CCDC187: variants seen among roughly 807,000 people sequenced by gnomAD.
The protein encoded by CCDC187 is coiled-coil domain-containing protein 187.
A neutral mutation model predicts 38.0 loss-of-function variants in CCDC187; 32 were observed. That is an observed-to-expected ratio of 0.84 (90% CI 0.64 to 1.13). The LOEUF (loss-of-function observed/expected upper bound fraction) is 1.13. Ranked by LOEUF, CCDC187 falls within the 50% of genes most tolerant of loss-of-function variation. CCDC187 has a pLI of 0.00. For missense variants in CCDC187, 707 were observed against 786.8 expected, an observed-to-expected ratio of 0.90 and a Z score of 1.21; for synonymous variants, 333 against 347.9, an observed-to-expected ratio of 0.96 and a Z score of 0.48.
chr9:136,269,641 T>C (rs1167300584), intron 14 of CCDC187, among the ~76,000 whole-genome samples: 1 of 151,676 alleles, frequency 6.6e-6, no homozygotes, highest in Non-Finnish European at 1.5e-5. Context: ...AGTGAGACTG[T>C]CTCAAAAGGA....
rs1017637244 is a variant in CCDC187, at chr9:136,287,433, C to T, written c.2223-738G>A. Among the ~76,000 whole-genome samples the T allele has an allele frequency of 7.9e-5, 12 of 152,288 alleles. No homozygotes were observed. The South Asian group carries it at 2.1e-3, about 26-fold the overall frequency. On this transcript the variant is annotated intron_variant, in intron 7 of 25. Coordinates refer to ENST00000638797, the MANE Select transcript of CCDC187 (RefSeq NM_001378188.1). ...AAGGAGCTGAAACGCACCAGATCAC[C>T]GCAACTGGACAATGAGACGCCAGAG... is the stretch of plus-strand genomic sequence containing the variant.
At chr9:136,280,114 C>T (rs1831010064) in intron 10 of CCDC187, among the ~76,000 whole-genome samples, 2 of 152,406 alleles carry the variant, frequency 1.3e-5, no homozygotes, top group Non-Finnish European at 1.5e-5. Flanking sequence ...CCACGGGGGC[C>T]TTCCTGGCTC....
chr9:136,293,229 TCA>T (rs1346290751), intron 4 of CCDC187, among the ~76,000 whole-genome samples: 23 of 91,490 alleles, frequency 2.5e-4, no homozygotes, highest in South Asian at 3.7e-4. Context: ...ACACTCACAC[TCA>T]CACGCTCACA....
chr9:136,259,262 T>C (rs1166620769), intron 21 of CCDC187, 101 bp downstream of exon 21: 1 of 266,388 alleles, frequency 3.8e-6, no homozygotes, highest in African/African-American at 3.2e-5. Flanking sequence ...GGGGGGAGGG[T>C]ACCAAGATGA....
At position 136,300,475 on chromosome 9, in the gene CCDC187, G is replaced by A. The variant is rs1043406582; in HGVS notation, c.626-157C>T. Among the ~76,000 whole-genome samples, 845 of 152,290 alleles carry A rather than the reference G, an allele frequency of 5.5e-3. 4 individuals are homozygous for A. The highest frequency in any genetic ancestry group is 0.019 in the African/African-American group (780 of 41,554). On this transcript the variant is annotated intron_variant, in intron 2 of 25. Coordinates refer to ENST00000638797, the MANE Select transcript of CCDC187 (RefSeq NM_001378188.1). Reference sequence around the variant, plus strand: ...GTCACCCAAGCTGGAGTGCAATGGCGCAATCTCAGCTCACTACAACCTCCG... The same window carrying A: ...GTCACCCAAGCTGGAGTGCAATGGCACAATCTCAGCTCACTACAACCTCCG...
chr9:136,258,553 G>A lies in CCDC187; in HGVS notation c.4366+379C>T, dbSNP rs576636015. Reference sequence around the variant, plus strand: ...GGACTTGGCTCTCGGGGGGGGCCCCGGCCAAGTGTAAGGTTCAGAAAGAGA... The same window carrying A: ...GGACTTGGCTCTCGGGGGGGGCCCCAGCCAAGTGTAAGGTTCAGAAAGAGA... On this transcript the variant is annotated intron_variant, in intron 22 of 25. Coordinates refer to ENST00000638797, the MANE Select transcript of CCDC187 (RefSeq NM_001378188.1). The surrounding 1 kb of genome is among the most constrained non-coding windows in gnomAD (Gnocchi z 4.3). 1.1e-3 allele frequency among the ~76,000 whole-genome samples: 166 copies of A among 151,702 alleles called. 1 individual carries two copies. The highest frequency in any genetic ancestry group is 3.7e-3 in the African/African-American group (153 of 41,500).
chr9:136,298,205 A>T (rs1831582478), intron 3 of CCDC187, among the ~76,000 whole-genome samples: 1 of 152,132 alleles, frequency 6.6e-6, no homozygotes, highest in South Asian at 2.1e-4. Flanking sequence ...ATGGGCACTC[A>T]GGACTGTTTG....
Position 136,254,355 on chromosome 9 carries a change from C to T in CCDC187, c.5473G>A (p.Val1825Ile). Residue 1825 changes from valine (V) to isoleucine (I), a missense_variant, in exon 26 of 26, where the codon GTC becomes ATC. By Grantham distance (29) the Val-to-Ile change is conservative (BLOSUM62 3). Coordinates refer to ENST00000638797, the MANE Select transcript of CCDC187 (RefSeq NM_001378188.1). ...ACCTGGGGCTCCATGCCGCTTCTGA[C>T]ACCCCCTTTCAGGCTCTCGCTGGTC... Reference protein sequence around the residue: ...SGTSESLKGGVRSGMEPQVAL... With the variant: ...SGTSESLKGGIRSGMEPQVAL... The T allele has an allele frequency of 1.0e-6, 1 of 984,042 alleles. No homozygotes were observed. Among genetic ancestry groups the T allele is most frequent in the Non-Finnish European group, 1.2e-6 (1 of 829,310 alleles). 61.0% of individuals were successfully genotyped at this position (984,042 alleles called of 1,614,324 possible). A position where few individuals can be genotyped will look rare whatever the true frequency, so the allele number is the denominator to read the frequency against.
chr9:136,296,278 G>T (rs1331326629), intron 4 of CCDC187: 1 of 152,242 alleles, frequency 6.6e-6, no homozygotes, highest in African/African-American at 2.4e-5. Flanking sequence ...TGGAGTGAGG[G>T]TCCCACAAAG....
At chr9:136,306,592 C>T (rs1831807270), upstream of CCDC187, among the ~76,000 whole-genome samples, 1 of 152,204 alleles carries the variant, frequency 6.6e-6, no homozygotes, top group South Asian at 2.1e-4. Context: ...GGTGCTACTT[C>T]CACTTAACCA....
At chr9:136,303,570 G>A (rs1330593709) in intron 1 of CCDC187, 118 bp downstream of exon 1, 4 of 162,572 alleles carry the variant, frequency 2.5e-5, no homozygotes, top group East Asian at 3.5e-4. Flanking sequence ...CACGTGCAGA[G>A]GCAGGCACGT....
At position 136,262,381 on chromosome 9, in the gene CCDC187, T is replaced by G. The variant is rs1419605067; in HGVS notation, c.3994A>C (p.Thr1332Pro). ...QQPEASLCPL[T>P]PCRPSSSTSH... ...GTGGAGCTGCTGGGCCTGCATGGGG[T>G]CAGGGGACACAGGGAGGCCTCTGGC... The change falls in exon 19 of 26, where the codon ACC (threonine) becomes CCC (proline). Residue 1332 changes from threonine to proline, a missense_variant. Coordinates refer to ENST00000638797, the MANE Select transcript of CCDC187 (RefSeq NM_001378188.1). The G allele has an allele frequency of 1.0e-6, 1 of 986,370 alleles. No individual in the cohort carries two copies. Among genetic ancestry groups the G allele is most frequent in the Non-Finnish European group, 1.2e-6 (1 of 830,690 alleles). 61.1% of individuals were successfully genotyped at this position (986,370 alleles called of 1,614,324 possible).
intron 8 of CCDC187, 106 bp downstream of exon 8, chr9:136,285,979 C>T (rs1831169797): frequency 5.0e-6 from 2 of 397,622 alleles, no homozygotes; most frequent in Non-Finnish European, 8.9e-6. Context: ...AGCCCCCTTT[C>T]CAGAAAGGAA....
chr9:136,292,246 C>T lies in CCDC187; in HGVS notation c.882G>A (p.Val294=), dbSNP rs898125337. 2.5e-6 allele frequency: 1 copy of T among 398,806 alleles called. No individual in the cohort carries two copies. Among genetic ancestry groups the T allele is most frequent in the Non-Finnish European group, 4.4e-6 (1 of 226,192 alleles). The allele number at this position is 398,806 out of a possible 1,614,324, so 24.7% of individuals were successfully genotyped here. The change falls in exon 5 of 26, where the codon GTG becomes GTA. Residue 294 remains valine, a synonymous_variant. Transcript: ENST00000638797. ...VYAWRKGQAL[V]RSLLGPPPVL... ...CGGGAGGGGGCCCAAGCAGCGACCT[C>T]ACCAGAGCTTGTCCCTTTCTCCAGG...
chr9:136,259,302 G>T (rs72775715), intron 21 of CCDC187, 61 bp downstream of exon 21: 138,349 of 539,086 alleles, frequency 0.26, 22,074 homozygotes, highest in Non-Finnish European at 0.29. Context: ...CAGAATGTTG[G>T]GGGGGGGTGG....
intron 18 of CCDC187, among the ~76,000 whole-genome samples, 160 bp downstream of exon 18, chr9:136,263,462 C>T (rs925639597): frequency 6.6e-6 from 1 of 152,166 alleles, no homozygotes; most frequent in Non-Finnish European, 1.5e-5. Flanking sequence ...TCTCCATCTC[C>T]TGACCTCGTG....
At chr9:136,295,003 G>T (rs1831500087) in intron 4 of CCDC187, among the ~76,000 whole-genome samples, 1 of 152,200 alleles carries the variant, frequency 6.6e-6, no homozygotes, top group South Asian at 2.1e-4. Flanking sequence ...TGTAAAATGG[G>T]GTGCCTATCT....
chr9:136,281,695 C>G, intron 9 of CCDC187, 32 bp from the exon 10 acceptor site: 1 of 398,680 alleles, frequency 2.5e-6, no homozygotes, highest in Non-Finnish European at 4.4e-6. Flanking sequence ...GTGGCAGGGC[C>G]AGGCCCGTGG....
Position 136,255,020 on chromosome 9 carries a change from C to T in CCDC187, c.4808G>A (p.Trp1603Ter). Residue 1603 changes from tryptophan (W) to a stop codon, truncating the protein, a stop_gained, in exon 26 of 26, where the codon TGG becomes TAG. Coordinates refer to ENST00000638797, the MANE Select transcript of CCDC187 (RefSeq NM_001378188.1). LOFTEE classifies it low-confidence loss of function (END_TRUNC). ...PGSESASGTC[W>*]GPSEEATVSS... Reference sequence around the variant, plus strand: ...CACCGTGGCTTCTTCCGAAGGCCCCCAGCAGGTTCCAGAAGCAGACTCAGA... The same window carrying T: ...CACCGTGGCTTCTTCCGAAGGCCCCTAGCAGGTTCCAGAAGCAGACTCAGA... The T allele has an allele frequency of 1.0e-6, 1 of 985,502 alleles. No individual in the cohort carries two copies. The allele number at this position is 985,502 out of a possible 1,614,324, so 61.0% of individuals were successfully genotyped here. A position where few individuals can be genotyped will look rare whatever the true frequency, so the allele number is the denominator to read the frequency against.
Sources: gnomAD v4.1 joint callset for allele counts (sites outside exome capture counted in the v4.1 genomes callset) on GRCh38, gnomAD v4.1.1 for gene constraint, Gnocchi (gnomAD v3.1) non-coding constraint, MANE v1.5 for transcripts, NCBI Gene and HGNC (gene_info 2026-07-23, HGNC 2026-07-21) for gene names.